Variants in PAPPA2 observed in about 807,000 individuals in gnomAD.
PAPPA2 encodes the protein pappalysin 2, also known as pappalysin-2.
Under a neutral mutation model 176.4 loss-of-function variants are expected in PAPPA2, and 86 were observed. That is an observed-to-expected ratio of 0.49 (90% CI 0.41 to 0.58). The LOEUF is 0.58. Among genes scored for constraint, PAPPA2 ranks in the 20% least tolerant of loss-of-function variants. PAPPA2 has a pLI of 0.00. For missense variants in PAPPA2, 2,073 were observed against 2,256.9 expected (o/e 0.92, Z 1.65); for synonymous variants, 809 against 852.2 (o/e 0.95, Z 0.88).
At chr1:176,568,489 C>T (rs915555979) in intron 2 of PAPPA2, among the ~76,000 whole-genome samples, 11 of 152,166 alleles carry the variant, frequency 7.2e-5, no homozygotes, top group African/African-American at 2.7e-4. Flanking sequence ...AAGATGTGAA[C>T]CTGGACATTT....
At chr1:176,540,847 A>G (rs1650324636) in intron 1 of PAPPA2, among the ~76,000 whole-genome samples, 1 of 152,180 alleles carries the variant, frequency 6.6e-6, no homozygotes, top group African/African-American at 2.4e-5. Flanking sequence ...CACCAGAGAC[A>G]ACTAGAGCCT....
intron 1 of PAPPA2, among the ~76,000 whole-genome samples, chr1:176,545,293 T>A (rs1210577096): frequency 1.3e-5 from 2 of 151,984 alleles, no homozygotes; most frequent in Admixed American, 6.6e-5. Context: ...GTCTCCCCTA[T>A]CACTTAGGAA....
chr1:176,556,276 G>A lies in PAPPA2; in HGVS notation c.-47G>A. The A allele has an allele frequency of 1.9e-6, 3 of 1,567,146 alleles. No homozygotes were observed. Among genetic ancestry groups the A allele is most frequent in the Non-Finnish European group, 2.6e-6 (3 of 1,151,482 alleles). ...CTCGTCTGCCCATCACTCTGGTGTG[G>A]TACCCAGAAGTTGACTTCTGGTTCT... On this transcript the variant is annotated 5_prime_UTR_variant, in exon 2 of 23. Coordinates refer to ENST00000367662, the MANE Select transcript of PAPPA2 (RefSeq NM_020318.3).
intron 3 of PAPPA2, among the ~76,000 whole-genome samples, chr1:176,617,281 C>T (rs1303936107): frequency 6.6e-6 from 1 of 152,040 alleles, no homozygotes; most frequent in Admixed American, 6.6e-5. Context: ...TACAGCTGGT[C>T]CTGAGGCAGC....
intron 12 of PAPPA2, among the ~76,000 whole-genome samples, chr1:176,724,316 A>AT (rs1661763036): frequency 6.6e-6 from 1 of 152,282 alleles, no homozygotes; most frequent in South Asian, 2.1e-4. Context: ...TCTTGGTGTC[A>AT]TTGGGGGATT....
At chr1:176,505,342 A>C (rs1342682658) in intron 1 of PAPPA2, among the ~76,000 whole-genome samples, 1 of 152,072 alleles carries the variant, frequency 6.6e-6, no homozygotes, top group Admixed American at 6.6e-5. Flanking sequence ...TCATGGGGTT[A>C]TTGGGTCCAG....
At chr1:176,779,469 A>G (rs895088173) in intron 17 of PAPPA2, among the ~76,000 whole-genome samples, 1 of 144,742 alleles carries the variant, frequency 6.9e-6, no homozygotes, top group African/African-American at 2.6e-5. Flanking sequence ...TTAACATTCC[A>G]TACTCATCAC....
intron 4 of PAPPA2, among the ~76,000 whole-genome samples, chr1:176,687,198 G>A (rs1183280533): frequency 1.3e-5 from 2 of 152,116 alleles, no homozygotes; most frequent in African/African-American, 4.8e-5. Context: ...AATATAGCTT[G>A]CAAATGTGTG....
intron 3 of PAPPA2, among the ~76,000 whole-genome samples, chr1:176,611,292 A>C (rs1413017338): frequency 6.6e-6 from 1 of 152,236 alleles, no homozygotes; most frequent in Non-Finnish European, 1.5e-5. Flanking sequence ...AAGATATCAG[A>C]TAATAACCAT....
At chr1:176,676,150 C>A (rs1244106890) in intron 4 of PAPPA2, among the ~76,000 whole-genome samples, 1 of 151,988 alleles carries the variant, frequency 6.6e-6, no homozygotes, top group Non-Finnish European at 1.5e-5. Flanking sequence ...AATGGCACAG[C>A]CACTCGAGAA....
Position 176,489,129 on chromosome 1 carries a change from G to C in PAPPA2, c.-917+25711G>C, listed in dbSNP as rs1652782546. Among the ~76,000 whole-genome samples, 3 of 152,140 alleles carry C rather than the reference G, an allele frequency of 2.0e-5. No individual in the cohort carries two copies. The South Asian group carries it at 6.2e-4, about 32-fold the overall frequency. On this transcript the variant is annotated intron_variant, in intron 1 of 22. Transcript: ENST00000367662. ...CGCAAACACGAGCTGTCACATTCAT[G>C]AATGTAACAAAAAGATAAGTTTTAT...
rs1558530185 is a variant in PAPPA2 at position 176,702,611 on chromosome 1, G to A, written c.3241G>A (p.Val1081Ile). 6.2e-7 allele frequency: 1 copy of A among 1,614,022 alleles called. No individual in the cohort carries two copies. Among genetic ancestry groups the A allele is most frequent in the Non-Finnish European group, 8.5e-7 (1 of 1,179,954 alleles). ...HSHRKFTDVE[V>I]TPGQMYQYQV... Reference sequence around the variant, plus strand: ...CAAACCCTTTGGTTTCCACAGGGAGGTCACACCTGGACAGATGTATCAGTA... The same window carrying A: ...CAAACCCTTTGGTTTCCACAGGGAGATCACACCTGGACAGATGTATCAGTA... The change falls in exon 9 of 23, where the codon GTC becomes ATC. Residue 1081 changes from valine to isoleucine, a missense_variant. Coordinates refer to ENST00000367662, the MANE Select transcript of PAPPA2 (RefSeq NM_020318.3).
At chr1:176,563,520 T>TGTGTTCTCTGTGGTGTTCTCTGTG (rs1206428965) in intron 2 of PAPPA2, among the ~76,000 whole-genome samples, 1 of 152,194 alleles carries the variant, frequency 6.6e-6, no homozygotes, top group African/African-American at 2.4e-5. Flanking sequence ...ATGTTGGTTA[T>TGTGTTCTCTGTGGTGTTCTCTGTG]GTGTTCTCTG....
At chr1:176,657,587 A>G (rs1658101879) in intron 3 of PAPPA2, among the ~76,000 whole-genome samples, 1 of 152,016 alleles carries the variant, frequency 6.6e-6, no homozygotes, top group Non-Finnish European at 1.5e-5. Context: ...GAAATTGACA[A>G]TTAATTGAAT....
In PAPPA2 at chr1:176,602,031, G is replaced by C. The variant is rs561346046; in HGVS notation, c.1991+6436G>C. On this transcript the variant is annotated intron_variant, in intron 3 of 22. Transcript: ENST00000367662. The stretch of plus-strand genomic sequence containing the variant: ...TAATATTGCTATAATGTGGAGAAAA[G>C]TCTCCAAATAAAAACAAATGGTTGA... 3.9e-5 allele frequency among the ~76,000 whole-genome samples: 6 copies of C among 152,250 alleles called. No homozygotes were observed. In the East Asian group the frequency reaches 1.2e-3, roughly 29 times the overall value.
At chr1:176,606,622 G>A (rs1654627937) in intron 3 of PAPPA2, among the ~76,000 whole-genome samples, 2 of 152,090 alleles carry the variant, frequency 1.3e-5, no homozygotes, top group Admixed American at 6.6e-5. Flanking sequence ...GCGGCACCAT[G>A]CCTGGCTAAT....
At chr1:176,551,935 G>A (rs1425681252) in intron 1 of PAPPA2, among the ~76,000 whole-genome samples, 1 of 152,290 alleles carries the variant, frequency 6.6e-6, no homozygotes, top group Admixed American at 6.5e-5. Flanking sequence ...TGCAGGGAGG[G>A]AAAGCGGAGG....
At chr1:176,601,609 C>T (rs927673157) in intron 3 of PAPPA2, among the ~76,000 whole-genome samples, 6 of 152,204 alleles carry the variant, frequency 3.9e-5, no homozygotes, top group African/African-American at 9.6e-5. Context: ...GGCAGGGCTA[C>T]ATAAGCCAGA....
chr1:176,551,001 G>T lies in PAPPA2; in HGVS notation c.-916-4406G>T, dbSNP rs563912397. Among the ~76,000 whole-genome samples, 3 of 152,242 alleles carry T rather than the reference G, an allele frequency of 2.0e-5. No individual in the cohort carries two copies. The South Asian group carries it at 6.2e-4, about 32-fold the overall frequency. On this transcript the variant is annotated intron_variant, in intron 1 of 22. Transcript: ENST00000367662. ...TGAAGACAGTGCGTAGCCAGAGAAG[G>T]CAAAAAAGCTGGGCAGAGATTTAGG...
Sources: gnomAD v4.1 joint callset for allele counts (sites outside exome capture counted in the v4.1 genomes callset) on GRCh38, gnomAD v4.1.1 for gene constraint, MANE v1.5 for transcripts, NCBI Gene and HGNC (gene_info 2026-07-23, HGNC 2026-07-21) for gene names.